The following CAPN5 variants were observed in gnomAD, a reference collection of about 807,000 sequenced individuals.
The protein encoded by CAPN5 is calpain-5.
Under a neutral mutation model 73.0 loss-of-function variants are expected in CAPN5, and 54 were observed. The ratio of observed to expected loss-of-function variants is 0.74; its 90% CI spans 0.59 to 0.93. The LOEUF (loss-of-function observed/expected upper bound fraction) is 0.93. CAPN5 is among the 40% of genes least tolerant of loss of function. CAPN5 has a pLI of 0.00. For synonymous variants in CAPN5, 335 were observed against 356.9 expected (o/e 0.94, Z 0.69); for missense variants, 785 against 882.9 (o/e 0.89, Z 1.41).
At chr11:77,119,241 A>C in intron 9 of CAPN5, 89 bp downstream of exon 9, 1 of 1,431,836 alleles carries the variant, frequency 7.0e-7, no homozygotes, top group Non-Finnish European at 9.5e-7. Context: ...ACGCTCTAGA[A>C]CACCTTGGTC....
intron 1 of CAPN5, among the ~76,000 whole-genome samples, chr11:77,083,649 C>T (rs1222827856): frequency 6.6e-6 from 1 of 152,212 alleles, no homozygotes; most frequent in Non-Finnish European, 1.5e-5. Flanking sequence ...GGTGTCTTGG[C>T]CCCTTCCCCC....
intron 1 of CAPN5, among the ~76,000 whole-genome samples, chr11:77,072,790 T>G (rs1156404985): frequency 1.3e-5 from 2 of 152,212 alleles, no homozygotes; most frequent in Non-Finnish European, 2.9e-5. Context: ...GACTTGAGTC[T>G]AGGACTGCCT....
At position 77,125,090 on chromosome 11, in the gene CAPN5, A is replaced by G. The variant is rs1555043631; in HGVS notation, c.*1220A>G. ...TCCAGTTTTGCTGGTCCTCTGGAGA[A>G]CTCTTCGTGAGCACTGGTGCCGTGA... On this transcript the variant is annotated 3_prime_UTR_variant, in exon 13 of 13. Coordinates refer to ENST00000648180, the MANE Select transcript of CAPN5 (RefSeq NM_004055.5). 1 of 151,862 alleles carries G rather than the reference A, an allele frequency of 6.6e-6. No homozygotes were observed. The highest frequency in any genetic ancestry group is 1.9e-4 in the East Asian group (1 of 5,174). The allele number at this position is 151,862 out of a possible 1,614,324, so 9.4% of individuals were successfully genotyped here. A position where few individuals can be genotyped will look rare whatever the true frequency, so the allele number is the denominator to read the frequency against.
At chr11:77,113,371 T>C (rs937537324) in intron 4 of CAPN5, among the ~76,000 whole-genome samples, 1 of 152,204 alleles carries the variant, frequency 6.6e-6, no homozygotes, top group Non-Finnish European at 1.5e-5. Context: ...TTTGCTGAGC[T>C]GTGGGGAACC....
At chr11:77,119,651 C>A (rs1177927660) in intron 9 of CAPN5, 2 of 161,216 alleles carry the variant, frequency 1.2e-5, no homozygotes, top group African/African-American at 4.8e-5. Flanking sequence ...GTTGTGATGC[C>A]CAGTGTGTGG....
At chr11:77,098,055 AGG>A in intron 3 of CAPN5, among the ~76,000 whole-genome samples, 1 of 89,878 alleles carries the variant, frequency 1.1e-5, no homozygotes, top group African/African-American at 6.2e-5. Flanking sequence ...GGCCGGGCAG[AGG>A]CGCCCCTCAC....
intron 3 of CAPN5, among the ~76,000 whole-genome samples, chr11:77,111,543 G>A (rs1168153232): frequency 1.3e-5 from 2 of 152,160 alleles, no homozygotes; most frequent in Non-Finnish European, 2.9e-5. Flanking sequence ...TCCCAGATGC[G>A]TCATAAGTAA....
chr11:77,115,798 G>T (rs2135479841), intron 6 of CAPN5, among the ~76,000 whole-genome samples: 1 of 152,236 alleles, frequency 6.6e-6, no homozygotes. Flanking sequence ...GCCATCAGGG[G>T]TGTAGAGACC....
At position 77,105,241 on chromosome 11, in the gene CAPN5, A is replaced by T. The variant is rs368820731; in HGVS notation, c.298-7348A>T. On this transcript the variant is annotated intron_variant, in intron 3 of 12. Transcript: ENST00000648180. ...GTGCAGTGTCTCGCCATCAGCCCCC[A>T]TCCCTTTCACAATCCCTCACGGCCC... 2.7e-4 allele frequency among the ~76,000 whole-genome samples: 41 copies of T among 150,356 alleles called. No homozygotes were observed. The East Asian group carries it at 7.1e-3, about 26-fold the overall frequency.
At position 77,115,608 on chromosome 11, in the gene CAPN5, G is replaced by A. The variant is rs782395352; in HGVS notation, c.893+20G>A. 6 of 1,595,858 alleles carry A rather than the reference G, an allele frequency of 3.8e-6. No homozygotes were observed. Among genetic ancestry groups the A allele is most frequent in the African/African-American group, 2.7e-5 (2 of 74,648 alleles). On this transcript the variant is annotated intron_variant, in intron 6 of 12. Transcript: ENST00000648180. ...TGACACGTGAGGCCTGGGGATGGGGGTGCAGGCACAGGGCATGAGGGCTTG... is the reference window on the plus strand; with the variant it reads ...TGACACGTGAGGCCTGGGGATGGGGATGCAGGCACAGGGCATGAGGGCTTG...
In CAPN5 at chr11:77,077,208, T is replaced by A. The variant is rs556892888; in HGVS notation, c.-35-7644T>A. 4.6e-4 allele frequency among the ~76,000 whole-genome samples: 70 copies of A among 152,068 alleles called. 1 individual carries two copies. Among genetic ancestry groups the A allele is most frequent in the Admixed American group, 1.8e-3 (28 of 15,282 alleles). On this transcript the variant is annotated intron_variant, in intron 1 of 12. Coordinates refer to ENST00000648180, the MANE Select transcript of CAPN5 (RefSeq NM_004055.5). The stretch of plus-strand genomic sequence containing the variant: ...CCCGTCTCTACTAAAAATATGAAAA[T>A]TAGCCAGGCATGGTGGCGCATGCCT...
chr11:77,093,187 A>G (rs967289520), intron 2 of CAPN5, among the ~76,000 whole-genome samples: 2 of 152,080 alleles, frequency 1.3e-5, no homozygotes, highest in Non-Finnish European at 2.9e-5. Flanking sequence ...ACCGCTCCCC[A>G]CTGGCCCCTC....
intron 3 of CAPN5, among the ~76,000 whole-genome samples, chr11:77,106,823 C>T (rs1555039968): frequency 1.3e-5 from 2 of 152,220 alleles, no homozygotes; most frequent in African/African-American, 2.4e-5. Flanking sequence ...AGGCCAGTGC[C>T]GATGGCAGCA....
rs1555041516 is a variant in CAPN5, at chr11:77,115,377, A to G, written c.700-18A>G. The G allele has an allele frequency of 1.9e-6, 3 of 1,586,666 alleles. No individual in the cohort carries two copies. The highest frequency in any genetic ancestry group is 2.3e-5 in the South Asian group (2 of 88,682). On this transcript the variant is annotated intron_variant, in intron 5 of 12. Coordinates refer to ENST00000648180, the MANE Select transcript of CAPN5 (RefSeq NM_004055.5). Reference sequence around the variant, plus strand: ...CCAGTGTGGCCCTGCCTCTCTGAGCAACTGTGTCCCTCCACAGGCAGTGAC... The same window carrying G: ...CCAGTGTGGCCCTGCCTCTCTGAGCGACTGTGTCCCTCCACAGGCAGTGAC...
intron 3 of CAPN5, among the ~76,000 whole-genome samples, chr11:77,109,961 G>A (rs1950394912): frequency 6.6e-6 from 1 of 152,212 alleles, no homozygotes; most frequent in African/African-American, 2.4e-5. Context: ...CAGGGCAGGA[G>A]CAGAAGGAGG....
intron 3 of CAPN5, among the ~76,000 whole-genome samples, chr11:77,097,837 C>T (rs12420633): frequency 0.03 from 2,333 of 77,652 alleles, 13 homozygotes; most frequent in Middle Eastern, 0.051. Context: ...TTTCTTAGTG[C>T]AGAACAAAAT....
intron 10 of CAPN5, among the ~76,000 whole-genome samples, chr11:77,121,577 C>G (rs1257614151): frequency 3.3e-5 from 5 of 152,276 alleles, no homozygotes; most frequent in Non-Finnish European, 7.3e-5. Context: ...AGCCCTTCAC[C>G]TGGGTGAGCC....
intron 3 of CAPN5, among the ~76,000 whole-genome samples, chr11:77,109,357 A>C (rs1950387326): frequency 6.6e-6 from 1 of 152,106 alleles, no homozygotes; most frequent in South Asian, 2.1e-4. Context: ...CAGAGACAGG[A>C]TAAATTTCCT....
At chr11:77,120,569 T>C (rs991582746) in intron 9 of CAPN5, 144 bp from the exon 10 acceptor site, 1 of 586,592 alleles carries the variant, frequency 1.7e-6, no homozygotes, top group Non-Finnish European at 3.0e-6. Context: ...CGAATCCGCT[T>C]CTGTTATTAT....
Sources: allele counts gnomAD v4.1 joint callset (sites outside exome capture counted in the v4.1 genomes callset), GRCh38; gene constraint gnomAD v4.1.1; transcripts MANE v1.5; gene names NCBI Gene and HGNC (gene_info 2026-07-23, HGNC 2026-07-21).